Variants in MBD2 observed in about 807,000 individuals in gnomAD.
MBD2 encodes the protein methyl-CpG binding domain protein 2, also known as methyl-CpG-binding domain protein 2.
A neutral mutation model predicts 39.3 loss-of-function variants in MBD2; 9 were observed. The observed-to-expected ratio is 0.23, with a 90% CI of 0.14 to 0.40. The LOEUF (loss-of-function observed/expected upper bound fraction) is 0.40, where lower values mean the gene tolerates loss of function less well. Among genes scored for constraint, MBD2 ranks in the 10% least tolerant of loss-of-function variants. The pLI is 1.00. For synonymous variants in MBD2, 233 were observed against 211.1 expected (o/e 1.10, Z -0.90); for missense variants, 458 against 532.6 (o/e 0.86, Z 1.38).
chr18:54,224,304 G>T lies in MBD2; in HGVS notation c.256C>A (p.Arg86=). The change falls in exon 1 of 7, where the codon CGG becomes AGG. Residue 86 remains arginine (R), a synonymous_variant. Transcript: ENST00000256429. ...CGGCCCCGGCCCCGGCCCCGTCCCC[G>T]TCCCCGGCCACGGCCCCGGCCCCGG... The part of the protein sequence containing the change: ...RGRGRGRGRG[R]GRGRGRGRGR... 1.0e-6 allele frequency: 1 copy of T among 955,038 alleles called. No homozygotes were observed. Among genetic ancestry groups the T allele is most frequent in the Non-Finnish European group, 1.2e-6 (1 of 804,030 alleles). 59.2% of individuals were successfully genotyped at this position (955,038 alleles called of 1,614,324 possible).
intron 2 of MBD2, among the ~76,000 whole-genome samples, chr18:54,204,110 A>G (rs1037349400): frequency 2.0e-5 from 3 of 152,026 alleles, no homozygotes; most frequent in African/African-American, 7.3e-5. Flanking sequence ...ATGAACACAC[A>G]CTCCCAAGGG....
intron 2 of MBD2, among the ~76,000 whole-genome samples, chr18:54,201,878 A>G (rs1388466548): frequency 6.6e-6 from 1 of 151,694 alleles, no homozygotes; most frequent in African/African-American, 2.4e-5. Context: ...AAAAAAAAAA[A>G]GACATCTTTC....
At chr18:54,199,203 C>T (rs1411751120) in intron 2 of MBD2, among the ~76,000 whole-genome samples, 2 of 152,212 alleles carry the variant, frequency 1.3e-5, no homozygotes, top group African/African-American at 4.8e-5. Context: ...CAGAAACTTT[C>T]TGGAATTCTA....
At chr18:54,222,850 T>A (rs2086626990) in intron 1 of MBD2, among the ~76,000 whole-genome samples, 1 of 152,278 alleles carries the variant, frequency 6.6e-6, no homozygotes, top group Admixed American at 6.5e-5. Flanking sequence ...TGTATATATG[T>A]GTATGTACAT....
At chr18:54,160,079 T>C in intron 5 of MBD2, 176 bp from the exon 6 acceptor site, 1 of 617,608 alleles carries the variant, frequency 1.6e-6, no homozygotes, top group Non-Finnish European at 2.7e-6. Context: ...CCAATGAGCC[T>C]TGCCAAAAAG....
rs541124723 is a variant in MBD2, at chr18:54,178,307, T to C, written c.840+10567A>G. Among the ~76,000 whole-genome samples the C allele has an allele frequency of 1.1e-4, 17 of 151,594 alleles. 1 individual carries two copies. In the South Asian group the frequency reaches 3.5e-3, roughly 32 times the overall value. On this transcript the variant is annotated intron_variant, in intron 3 of 6. Transcript: ENST00000256429. ...CCAGACCACAGAACAAAAACAGAAA[T>C]ACCAAAAAATAATCACAAAATATTA...
chr18:54,210,866 ATT>A lies in MBD2; in HGVS notation c.543-5711_543-5710del, dbSNP rs74180457. On this transcript the variant is annotated intron_variant, in intron 1 of 6. Transcript: ENST00000256429. ...AGACTAAAAGAAACATCAACTTTCT[ATT>A]TTTTTTTTTTTTTTTTTTTTTGAGA... 6.8e-3 allele frequency among the ~76,000 whole-genome samples: 677 copies of A among 99,360 alleles called. 7 individuals are homozygous for A. Among genetic ancestry groups the A allele is most frequent in the African/African-American group, 0.026 (594 of 23,094 alleles). 65.2% of individuals were successfully genotyped at this position (99,360 alleles called of 152,430 possible).
chr18:54,204,204 A>G (rs1010411492), intron 2 of MBD2, among the ~76,000 whole-genome samples: 17 of 152,212 alleles, frequency 1.1e-4, no homozygotes, highest in African/African-American at 3.6e-4. Context: ...TGTGAAGACA[A>G]TGGTGGTGGC....
At chr18:54,201,185 T>C (rs2086405005) in intron 2 of MBD2, among the ~76,000 whole-genome samples, 1 of 152,196 alleles carries the variant, frequency 6.6e-6, no homozygotes, top group African/African-American at 2.4e-5. Context: ...AATGTTCCCC[T>C]GGATATGCTG....
chr18:54,173,117 T>TCTTCC (rs2086189737), intron 3 of MBD2, among the ~76,000 whole-genome samples: 2 of 152,126 alleles, frequency 1.3e-5, no homozygotes, highest in South Asian at 4.1e-4. Flanking sequence ...TGAATATGAA[T>TCTTCC]CTTCCCTTCC....
chr18:54,181,149 C>A lies in MBD2; in HGVS notation c.840+7725G>T, dbSNP rs530132751. 7.9e-5 allele frequency among the ~76,000 whole-genome samples: 12 copies of A among 152,182 alleles called. 1 individual carries two copies. In the South Asian group the frequency reaches 2.5e-3, roughly 32 times the overall value. ...GCCTCAAGAAATGTGCCTGCCTCAGCCTCCCAAAGTGCTGGGATTACAGAT... is the reference window on the plus strand; with the variant it reads ...GCCTCAAGAAATGTGCCTGCCTCAGACTCCCAAAGTGCTGGGATTACAGAT... On this transcript the variant is annotated intron_variant, in intron 3 of 6. Transcript: ENST00000256429.
chr18:54,163,148 T>G (rs979389763), intron 5 of MBD2, among the ~76,000 whole-genome samples: 1 of 152,118 alleles, frequency 6.6e-6, no homozygotes, highest in Non-Finnish European at 1.5e-5. Flanking sequence ...GGCGCTCGCC[T>G]GTAGTCCCAG....
chr18:54,193,307 TA>T (rs1218848248), intron 2 of MBD2, among the ~76,000 whole-genome samples: 1 of 152,218 alleles, frequency 6.6e-6, no homozygotes, highest in Non-Finnish European at 1.5e-5. Context: ...AATCTTCTTA[TA>T]TCTTCAATAT....
At chr18:54,188,658 A>C (rs2086299554) in intron 3 of MBD2, among the ~76,000 whole-genome samples, 1 of 152,204 alleles carries the variant, frequency 6.6e-6, no homozygotes, top group Non-Finnish European at 1.5e-5. Flanking sequence ...TTTAGTCCAT[A>C]TTATGAATTA....
intron 5 of MBD2, among the ~76,000 whole-genome samples, chr18:54,160,329 G>A (rs919419106): frequency 4.6e-5 from 7 of 152,210 alleles, no homozygotes; most frequent in African/African-American, 1.7e-4. Flanking sequence ...AAGCAGAGGC[G>A]TGATAAGCTG....
At position 54,205,027 on chromosome 18, in the gene MBD2, G is replaced by A; in HGVS notation, c.673C>T (p.Leu225=). 1.2e-6 allele frequency: 2 copies of A among 1,613,802 alleles called. No individual in the cohort carries two copies. Among genetic ancestry groups the A allele is most frequent in the Non-Finnish European group, 1.7e-6 (2 of 1,179,842 alleles). The change falls in exon 2 of 7, where the codon CTG becomes TTG. Residue 225 remains leucine (L), a synonymous_variant. Transcript: ENST00000256429. ...TTTTGATTGAGAGGATCGTTTCGCAGTCTCTGTTTGTTCTTCTGTAATTTA... is the reference window on the plus strand; with the variant it reads ...TTTTGATTGAGAGGATCGTTTCGCAATCTCTGTTTGTTCTTCTGTAATTTA... ...PSKLQKNKQR[L]RNDPLNQNKG... is the part of the protein sequence containing the mutation.
At position 54,200,801 on chromosome 18, in the gene MBD2, C is replaced by A. The variant is rs550110884; in HGVS notation, c.702+4197G>T. Reference sequence around the variant, plus strand: ...TTAAAGTAAAACTAAAAATTGAGGCCGAGCGCGGTGGCTCACGTCTGTAAT... The same window carrying A: ...TTAAAGTAAAACTAAAAATTGAGGCAGAGCGCGGTGGCTCACGTCTGTAAT... On this transcript the variant is annotated intron_variant, in intron 2 of 6. Coordinates refer to ENST00000256429, the MANE Select transcript of MBD2 (RefSeq NM_003927.5). Among the ~76,000 whole-genome samples the A allele has an allele frequency of 2.0e-5, 3 of 152,148 alleles. No homozygotes were observed. The South Asian group carries it at 6.2e-4, about 32-fold the overall frequency.
chr18:54,179,711 A>T (rs2086236254), intron 3 of MBD2, among the ~76,000 whole-genome samples: 1 of 151,888 alleles, frequency 6.6e-6, no homozygotes, highest in African/African-American at 2.4e-5. Flanking sequence ...TTAGTAAAAC[A>T]GAAAGAGAAG....
chr18:54,182,146 T>TC (rs1219755357), intron 3 of MBD2, among the ~76,000 whole-genome samples: 1 of 152,220 alleles, frequency 6.6e-6, no homozygotes, highest in African/African-American at 2.4e-5. Context: ...AGGTGAAGGC[T>TC]CAATAAATAA....
Sources: allele counts gnomAD v4.1 joint callset (sites outside exome capture counted in the v4.1 genomes callset), GRCh38; gene constraint gnomAD v4.1.1; transcripts MANE v1.5; gene names NCBI Gene and HGNC (gene_info 2026-07-23, HGNC 2026-07-21).